WDFY3: variants seen among roughly 807,000 people sequenced by gnomAD.
WDFY3 encodes the protein WD repeat and FYVE domain containing 3.
WDFY3 carries 66 observed loss-of-function variants against 409.6 expected under a neutral mutation model. That is an observed-to-expected ratio of 0.16 (90% CI 0.13 to 0.20). WDFY3 has a LOEUF of 0.20. Among genes scored for constraint, WDFY3 ranks in the 10% least tolerant of loss-of-function variants. The pLI, the probability that WDFY3 is intolerant of heterozygous loss-of-function variation, is 1.00. For missense variants in WDFY3, 3,031 were observed against 4,298.1 expected (o/e 0.71, Z 8.24); for synonymous variants, 1,521 against 1,537.1 (o/e 0.99, Z 0.25).
In WDFY3 at chr4:84,841,135, A is replaced by G. The variant is rs1757296399; in HGVS notation, c.414+19T>C. 2.6e-6 allele frequency: 4 copies of G among 1,567,898 alleles called. No individual in the cohort carries two copies. Among genetic ancestry groups the G allele is most frequent in the Non-Finnish European group, 3.5e-6 (4 of 1,158,768 alleles). ...AAATAAAGACGCTGAGTTATCAAAC[A>G]TGAAAACTAAGAACTTACCTGACCA... On this transcript the variant is annotated intron_variant, in intron 6 of 67. Transcript: ENST00000295888.
chr4:84,819,346 G>A (rs989026983), intron 12 of WDFY3, among the ~76,000 whole-genome samples: 5 of 151,872 alleles, frequency 3.3e-5, no homozygotes, highest in African/African-American at 1.2e-4. Context: ...TTTGGGCATG[G>A]GGTTCATTCA....
intron 3 of WDFY3, among the ~76,000 whole-genome samples, chr4:84,892,680 C>T (rs942701352): frequency 6.6e-6 from 1 of 152,102 alleles, no homozygotes; most frequent in East Asian, 1.9e-4. Context: ...ATTAAGCAAC[C>T]ACTATGTGTC....
chr4:84,714,575 T>C (rs537529633), intron 50 of WDFY3, among the ~76,000 whole-genome samples: 1 of 152,338 alleles, frequency 6.6e-6, no homozygotes, highest in South Asian at 2.1e-4. Context: ...TTAAATTTAC[T>C]CAGTCCTTGC....
At chr4:84,931,554 G>A (rs1054379879) in intron 2 of WDFY3, among the ~76,000 whole-genome samples, 1 of 152,142 alleles carries the variant, frequency 6.6e-6, no homozygotes, top group African/African-American at 2.4e-5. Context: ...GAGCCTGCGG[G>A]AAATCTGATT....
At chr4:84,944,048 T>G (rs1438731666) in intron 1 of WDFY3, among the ~76,000 whole-genome samples, 1 of 152,194 alleles carries the variant, frequency 6.6e-6, no homozygotes, top group Non-Finnish European at 1.5e-5. Flanking sequence ...AAATTCAACT[T>G]AAGTATAATT....
chr4:84,737,688 T>C (rs981484450), intron 40 of WDFY3, among the ~76,000 whole-genome samples: 1 of 152,226 alleles, frequency 6.6e-6, no homozygotes, highest in Non-Finnish European at 1.5e-5. Context: ...AAAAGTAATT[T>C]TTAAATCTGA....
intron 2 of WDFY3, among the ~76,000 whole-genome samples, chr4:84,904,328 C>T (rs1178967505): frequency 6.6e-6 from 1 of 152,068 alleles, no homozygotes; most frequent in Non-Finnish European, 1.5e-5. Flanking sequence ...GCAACCTCCA[C>T]CTCCTGGGTT....
At position 84,816,378 on chromosome 4, in the gene WDFY3, C is replaced by T. The variant is rs536121705; in HGVS notation, c.1887+1014G>A. ...GAGACTACATGGGTTCAGATCTAGA[C>T]TCCTCTACCTACTAGACAGACATAT... On this transcript the variant is annotated intron_variant, in intron 13 of 67. Transcript: ENST00000295888. Among the ~76,000 whole-genome samples the T allele has an allele frequency of 2.2e-3, 340 of 152,206 alleles. 2 individuals are homozygous for T. The highest frequency in any genetic ancestry group is 7.8e-3 in the African/African-American group (324 of 41,552).
In WDFY3 at chr4:84,752,278, C is replaced by T. The variant is rs531468149; in HGVS notation, c.5740-562G>A. 2.0e-5 allele frequency among the ~76,000 whole-genome samples: 3 copies of T among 152,172 alleles called. No individual in the cohort carries two copies. In the South Asian group the frequency reaches 6.2e-4, roughly 32 times the overall value. Reference sequence around the variant, plus strand: ...CCTGTAATCCCAGCACTTTGGGAGGCCGACATAGGCAGATCACCTGAGATC... The same window carrying T: ...CCTGTAATCCCAGCACTTTGGGAGGTCGACATAGGCAGATCACCTGAGATC... On this transcript the variant is annotated intron_variant, in intron 35 of 67. Transcript: ENST00000295888.
In WDFY3 at chr4:84,780,259, A is replaced by C; in HGVS notation, c.4214T>G (p.Leu1405Trp). The change falls in exon 26 of 68, where the codon TTG (leucine) becomes TGG (tryptophan). Residue 1405 changes from leucine (L) to tryptophan (W), a missense_variant. By Grantham distance (61) the Leu-to-Trp change is moderately conservative. Coordinates refer to ENST00000295888, the MANE Select transcript of WDFY3 (RefSeq NM_014991.6). ...TFVPKPVATTLQYVGGAAAIL... is the reference protein window; with the variant it reads ...TFVPKPVATTWQYVGGAAAIL... ...GGCTGCAGCTCCACCAACGTACTGC[A>C]AAGTAGTGGCAACAGGCTTAGGGAC... The C allele has an allele frequency of 6.2e-7, 1 of 1,613,704 alleles. No individual in the cohort carries two copies. Among genetic ancestry groups the C allele is most frequent in the East Asian group, 2.2e-5 (1 of 44,876 alleles).
intron 2 of WDFY3, among the ~76,000 whole-genome samples, chr4:84,921,354 A>G (rs1579133989): frequency 6.6e-6 from 1 of 152,082 alleles, no homozygotes; most frequent in African/African-American, 2.4e-5. Context: ...ATGGGAAAGT[A>G]GAAAATTGAA....
chr4:84,781,015 A>G (rs901014922), intron 25 of WDFY3, among the ~76,000 whole-genome samples: 3 of 152,120 alleles, frequency 2.0e-5, no homozygotes, highest in African/African-American at 7.2e-5. Context: ...TGGGGACAAT[A>G]AAAGTCACTT....
intron 4 of WDFY3, 96 bp downstream of exon 4, chr4:84,860,316 C>A: frequency 7.4e-7 from 1 of 1,356,774 alleles, no homozygotes; most frequent in Non-Finnish European, 1.0e-6. Flanking sequence ...CTAACTCAGC[C>A]TATCATTTTT....
intron 4 of WDFY3, among the ~76,000 whole-genome samples, chr4:84,850,272 T>C (rs13118671): frequency 0.29 from 44,478 of 152,058 alleles, 6,722 homozygotes; most frequent in East Asian, 0.43. Context: ...ATAGACATTA[T>C]TGATAAAATT....
intron 58 of WDFY3, among the ~76,000 whole-genome samples, chr4:84,694,434 T>C (rs1729774199): frequency 6.6e-6 from 1 of 152,244 alleles, no homozygotes; most frequent in Non-Finnish European, 1.5e-5. Context: ...CCCAGACTTC[T>C]GGCCTCTTCT....
intron 2 of WDFY3, among the ~76,000 whole-genome samples, chr4:84,898,151 T>C (rs1331503624): frequency 6.6e-6 from 1 of 152,216 alleles, no homozygotes; most frequent in African/African-American, 2.4e-5. Context: ...GCAGACACTT[T>C]TGAAGTGCTC....
Position 84,757,051 on chromosome 4 carries a change from T to C in WDFY3, c.5299A>G (p.Thr1767Ala), listed in dbSNP as rs1363631477. ...PVLQSFLPKH[T>A]NVPALYFLLM... ...AGAAAATAGAGGGCAGGGACATTAG[T>C]GTGTTTAGGAAGGAATGACTGAAGG... Residue 1767 changes from threonine (T) to alanine (A), a missense_variant, in exon 33 of 68, where the codon ACT becomes GCT. Coordinates refer to ENST00000295888, the MANE Select transcript of WDFY3 (RefSeq NM_014991.6). 1 of 1,613,900 alleles carries C rather than the reference T, an allele frequency of 6.2e-7. No individual in the cohort carries two copies. The highest frequency in any genetic ancestry group is 8.5e-7 in the Non-Finnish European group (1 of 1,179,940).
intron 13 of WDFY3, 36 bp from the exon 14 acceptor site, chr4:84,810,380 A>C: frequency 1.0e-5 from 14 of 1,366,308 alleles, no homozygotes; most frequent in Non-Finnish European, 1.3e-5. Flanking sequence ...ATGAAAATAC[A>C]CATAATTCAA....
intron 2 of WDFY3, among the ~76,000 whole-genome samples, chr4:84,901,711 T>G (rs934820279): frequency 6.6e-6 from 1 of 152,026 alleles, no homozygotes; most frequent in Non-Finnish European, 1.5e-5. Context: ...CTCTAAAAAT[T>G]TAGAGCAAAT....
Sources: allele counts gnomAD v4.1 joint callset (sites outside exome capture counted in the v4.1 genomes callset), GRCh38; gene constraint gnomAD v4.1.1; transcripts MANE v1.5; gene names NCBI Gene and HGNC (gene_info 2026-07-23, HGNC 2026-07-21).